Variants in CIROZ observed in about 807,000 individuals in gnomAD.
CIROZ encodes the protein ciliated left-right organizer protein containing ZP-N domains, also known as ciliated left-right organizer ZP-N domains-containing protein.
chr1:10,959,336 C>A, the CIROZ span, among the ~76,000 whole-genome samples: 2 of 152,166 alleles, frequency 1.3e-5, no homozygotes, highest in South Asian at 4.1e-4. This position sits in a 1 kb window ranked among gnomAD's most constrained non-coding sequence, Gnocchi z 4.3. Flanking sequence ...AGTGGTTTCT[C>A]GTACCGCGCC....
the CIROZ span, chr1:10,969,924 C>A: frequency 6.7e-7 from 1 of 1,484,882 alleles, no homozygotes; most frequent in Non-Finnish European, 8.9e-7. Context: ...GAAGGCAACA[C>A]AAAAGCCCCA....
the CIROZ span, among the ~76,000 whole-genome samples, chr1:10,973,409 T>C: frequency 6.6e-6 from 1 of 151,960 alleles, no homozygotes; most frequent in Admixed American, 6.6e-5. Context: ...TTAAAAAGAC[T>C]AAAGTCAGCC....
chr1:10,958,836 G>A, the CIROZ span: 191 of 1,420,150 alleles, frequency 1.3e-4, no homozygotes, highest in South Asian at 3.3e-4. Flanking sequence ...CATCAGCACC[G>A]GCAATTACCC....
At chr1:10,954,656 T>C in the CIROZ span, among the ~76,000 whole-genome samples, 1 of 152,150 alleles carries the variant, frequency 6.6e-6, no homozygotes, top group Non-Finnish European at 1.5e-5. Flanking sequence ...CTTTTATTTT[T>C]TGAGACAGGG....
At chr1:10,977,249 C>T in the CIROZ span, among the ~76,000 whole-genome samples, 1 of 151,500 alleles carries the variant, frequency 6.6e-6, no homozygotes, top group Non-Finnish European at 1.5e-5. Context: ...TTTGGGAGGC[C>T]GAGGCGGGCA....
chr1:10,967,265 TC>T, the CIROZ span, among the ~76,000 whole-genome samples: 2 of 144,262 alleles, frequency 1.4e-5, no homozygotes, highest in African/African-American at 5.2e-5. Flanking sequence ...TTCCCCTCCC[TC>T]CCTCTGCTCC....
the CIROZ span, among the ~76,000 whole-genome samples, chr1:10,975,059 G>GTCAAGAGT: frequency 6.6e-6 from 1 of 152,032 alleles, no homozygotes; most frequent in East Asian, 1.9e-4. Flanking sequence ...ATCACTGGAG[G>GTCAAGAGT]TCAAGAGTTC....
the CIROZ span, chr1:10,958,783 T>G: frequency 6.2e-7 from 1 of 1,612,526 alleles, no homozygotes; most frequent in South Asian, 1.1e-5. Context: ...CAATGTCTCC[T>G]GCAAGCGGTG....
the CIROZ span, among the ~76,000 whole-genome samples, chr1:10,980,313 C>T: frequency 9.3e-3 from 1,410 of 152,332 alleles, 20 homozygotes; most frequent in African/African-American, 0.032. Flanking sequence ...GAGCTTGCGG[C>T]TGCCTGGCTG....
the CIROZ span, among the ~76,000 whole-genome samples, chr1:10,966,138 G>A: frequency 4.1e-4 from 63 of 152,262 alleles, no homozygotes; most frequent in African/African-American, 1.5e-3. Flanking sequence ...GAGAAGGGGG[G>A]ATTCTCAGGA....
At chr1:10,979,570 C>T in the CIROZ span, among the ~76,000 whole-genome samples, 3 of 150,204 alleles carry the variant, frequency 2.0e-5, no homozygotes, top group South Asian at 2.1e-4. Context: ...CTCCACCCTT[C>T]GACCCAGCGC....
chr1:10,957,705 C>A, the CIROZ span: 1 of 1,614,134 alleles, frequency 6.2e-7, no homozygotes, highest in South Asian at 1.1e-5. Context: ...AGGCTGGCGT[C>A]TTCAAGAGAA....
chr1:10,967,032 C>T, the CIROZ span, among the ~76,000 whole-genome samples: 8 of 151,782 alleles, frequency 5.3e-5, no homozygotes, highest in South Asian at 2.1e-4. Context: ...GCCTGTAATT[C>T]GAGCTACTTG....
At chr1:10,956,665 G>C in the CIROZ span, among the ~76,000 whole-genome samples, 1 of 151,796 alleles carries the variant, frequency 6.6e-6, no homozygotes, top group South Asian at 2.1e-4. Context: ...TTTTAGTAGA[G>C]ACAGGGTTTC....
chr1:10,948,278 TC>T, the CIROZ span: 1 of 1,613,768 alleles, frequency 6.2e-7, no homozygotes, highest in African/African-American at 1.3e-5. Flanking sequence ...CCACCTCCGT[TC>T]CAGAGCACGT....
the CIROZ span, among the ~76,000 whole-genome samples, chr1:10,977,998 G>A: frequency 9.9e-5 from 15 of 151,860 alleles, no homozygotes; most frequent in South Asian, 2.1e-4. Context: ...GCAAAACCTC[G>A]TCTGTACTAA....
the CIROZ span, among the ~76,000 whole-genome samples, chr1:10,977,422 G>A: frequency 6.6e-6 from 1 of 151,988 alleles, no homozygotes; most frequent in Non-Finnish European, 1.5e-5. Flanking sequence ...GGCGGAGATT[G>A]CAGTGAGATG....
the CIROZ span, among the ~76,000 whole-genome samples, chr1:10,965,802 G>T: frequency 1.5e-4 from 23 of 150,574 alleles, no homozygotes; most frequent in African/African-American, 5.4e-4. Context: ...CAGCCTGGGT[G>T]CCAGAGCGAG....
the CIROZ span, chr1:10,966,258 G>A: frequency 1.5e-6 from 2 of 1,361,802 alleles, no homozygotes; most frequent in Non-Finnish European, 9.6e-7. Flanking sequence ...TTTCTGCAGA[G>A]GAATAATGGT....
Sources: gnomAD v4.1 joint callset for allele counts (sites outside exome capture counted in the v4.1 genomes callset) on GRCh38, gnomAD v4.1.1 for gene constraint, Gnocchi (gnomAD v3.1) non-coding constraint, MANE v1.5 for transcripts, NCBI Gene and HGNC (gene_info 2026-07-23, HGNC 2026-07-21) for gene names.